The following KDM4C variants were observed in gnomAD, a reference collection of about 807,000 sequenced individuals.
KDM4C encodes lysine-specific demethylase 4C.
In KDM4C, 81 loss-of-function variants were observed where a neutral mutation model predicts 129.3. That is an observed-to-expected ratio of 0.63 (90% CI 0.52 to 0.75). The LOEUF is 0.75. KDM4C is among the 30% of genes least tolerant of loss of function. The pLI is 0.00. For missense variants in KDM4C, 1,457 were observed against 1,304.0 expected (o/e 1.12, Z -1.81); for synonymous variants, 573 against 456.1 (o/e 1.26, Z -3.26).
chr9:7,107,226 A>G (rs1837795071), intron 18 of KDM4C, among the ~76,000 whole-genome samples: 1 of 152,198 alleles, frequency 6.6e-6, no homozygotes, highest in South Asian at 2.1e-4. Context: ...CAAAGGTTCC[A>G]CTTGGATATA....
intron 8 of KDM4C, among the ~76,000 whole-genome samples, chr9:6,925,997 C>G (rs554711978): frequency 6.6e-6 from 1 of 152,212 alleles, no homozygotes; most frequent in East Asian, 1.9e-4. Flanking sequence ...ATTCCTCTTC[C>G]CTGGATTACT....
intron 19 of KDM4C, among the ~76,000 whole-genome samples, chr9:7,161,399 C>T (rs550523123): frequency 6.6e-6 from 1 of 152,290 alleles, no homozygotes; most frequent in East Asian, 1.9e-4. Context: ...CAGAGATCAC[C>T]CGTCTTTTGC....
upstream of KDM4C, among the ~76,000 whole-genome samples, chr9:6,756,733 G>C (rs1035206037): frequency 2.6e-5 from 4 of 152,158 alleles, no homozygotes; most frequent in Non-Finnish European, 2.9e-5. Context: ...GAGTGTGTCT[G>C]TGTGTGTAGC....
At chr9:7,108,355 G>A (rs1837935092) in intron 18 of KDM4C, among the ~76,000 whole-genome samples, 1 of 151,930 alleles carries the variant, frequency 6.6e-6, no homozygotes, top group African/African-American at 2.4e-5. Context: ...TCCCACCTTT[G>A]CCTCCCAAGT....
chr9:7,127,892 T>C, intron 18 of KDM4C, 174 bp from the exon 19 acceptor site: 1 of 555,926 alleles, frequency 1.8e-6, no homozygotes, highest in Non-Finnish European at 3.0e-6. Flanking sequence ...ACTATTTGTC[T>C]TCTTGCAACT....
chr9:6,766,095 A>G (rs1341947966), intron 1 of KDM4C, among the ~76,000 whole-genome samples: 2 of 152,202 alleles, frequency 1.3e-5, no homozygotes, highest in Admixed American at 1.3e-4. Context: ...GGCAAAGTAA[A>G]TATTTTAAAA....
chr9:7,065,475 A>T (rs775553520), intron 17 of KDM4C, among the ~76,000 whole-genome samples: 1 of 152,144 alleles, frequency 6.6e-6, no homozygotes, highest in Non-Finnish European at 1.5e-5. Context: ...TTAAACATTT[A>T]TTTGCTTTGG....
rs754982079 is a variant in KDM4C, at chr9:6,720,900, A to C, written c.-49A>C. The C allele has an allele frequency of 1.7e-5, 26 of 1,512,798 alleles. No individual in the cohort carries two copies. In the South Asian group the frequency reaches 2.6e-4, roughly 15 times the overall value. The allele number at this position is 1,512,798 out of a possible 1,614,324, so 93.7% of individuals were successfully genotyped here. On this transcript the variant is annotated 5_prime_UTR_variant, in exon 1 of 18. Transcript: ENST00000536108. Reference sequence around the variant, plus strand: ...ATGGTCTGTGACCTGAAAGTTGTTGAATAGTTGGAGTGTTCTGCATTCATG... The same window carrying C: ...ATGGTCTGTGACCTGAAAGTTGTTGCATAGTTGGAGTGTTCTGCATTCATG...
intron 1 of KDM4C, among the ~76,000 whole-genome samples, chr9:6,787,623 A>G (rs1177920865): frequency 3.3e-5 from 5 of 152,196 alleles, no homozygotes; most frequent in Admixed American, 3.3e-4. Flanking sequence ...TGTATTTGCA[A>G]TCTACAATCT....
intron 17 of KDM4C, among the ~76,000 whole-genome samples, chr9:7,051,242 G>C (rs1025020907): frequency 2.0e-5 from 3 of 152,118 alleles, no homozygotes; most frequent in Non-Finnish European, 4.4e-5. Context: ...CATTTGGGGG[G>C]AAGAATGTCT....
intron 1 of KDM4C, among the ~76,000 whole-genome samples, chr9:6,792,273 G>A (rs1413217809): frequency 6.6e-6 from 1 of 152,076 alleles, no homozygotes; most frequent in Non-Finnish European, 1.5e-5. Flanking sequence ...AACCTGGGAG[G>A]TGGAGGTTGC....
intron 1 of KDM4C, among the ~76,000 whole-genome samples, chr9:6,741,440 C>G (rs890611398): frequency 1.3e-5 from 2 of 151,962 alleles, no homozygotes; most frequent in Non-Finnish European, 2.9e-5. Context: ...AAAGAATATT[C>G]TATTTACCCG....
intron 1 of KDM4C, among the ~76,000 whole-genome samples, chr9:6,724,718 A>G (rs999875125): frequency 6.6e-6 from 1 of 151,932 alleles, no homozygotes; most frequent in African/African-American, 2.4e-5. Context: ...TTTAGTAGAG[A>G]TGGGGTTTCA....
chr9:7,057,096 A>C (rs917876940), intron 17 of KDM4C, among the ~76,000 whole-genome samples: 3 of 152,238 alleles, frequency 2.0e-5, no homozygotes, highest in African/African-American at 7.2e-5. Context: ...GGGGTCAGGA[A>C]TTAGTTACTT....
intron 19 of KDM4C, among the ~76,000 whole-genome samples, chr9:7,150,206 C>T (rs973201586): frequency 6.6e-6 from 1 of 152,218 alleles, no homozygotes; most frequent in Admixed American, 6.5e-5. Flanking sequence ...CGCCCTCTGG[C>T]TTCTCCCTTT....
chr9:7,172,073 A>G (rs116350818), intron 21 of KDM4C, among the ~76,000 whole-genome samples: 1,744 of 152,022 alleles, frequency 0.011, 39 homozygotes, highest in African/African-American at 0.04. Flanking sequence ...GTCCATGATT[A>G]TTACTATTTT....
At chr9:7,032,282 C>G (rs543236783) in intron 15 of KDM4C, among the ~76,000 whole-genome samples, 1 of 152,270 alleles carries the variant, frequency 6.6e-6, no homozygotes, top group Admixed American at 6.5e-5. Flanking sequence ...CTGTCTACAG[C>G]AAGAGTTAGC....
intron 1 of KDM4C, among the ~76,000 whole-genome samples, chr9:6,742,455 G>C (rs1817732515): frequency 6.6e-6 from 1 of 152,096 alleles, no homozygotes; most frequent in South Asian, 2.1e-4. Flanking sequence ...TTAGTTCAGA[G>C]AGACTCTCTG....
At chr9:7,159,330 C>T (rs1347105296) in intron 19 of KDM4C, among the ~76,000 whole-genome samples, 1 of 152,186 alleles carries the variant, frequency 6.6e-6, no homozygotes, top group Non-Finnish European at 1.5e-5. Context: ...AGCCCATTTA[C>T]ATTTAAGGTT....
Sources: gnomAD v4.1 joint callset for allele counts (sites outside exome capture counted in the v4.1 genomes callset) on GRCh38, gnomAD v4.1.1 for gene constraint, MANE v1.5 for transcripts, NCBI Gene and HGNC (gene_info 2026-07-23, HGNC 2026-07-21) for gene names.